Variants in RECK observed in about 807,000 individuals in gnomAD.
The protein encoded by RECK is reversion inducing cysteine rich protein with kazal motifs, also known as reversion-inducing cysteine-rich protein with Kazal motifs.
In RECK, 69 loss-of-function variants were observed where a neutral mutation model predicts 115.1. The ratio of observed to expected loss-of-function variants is 0.60; its 90% CI spans 0.49 to 0.73. RECK has a LOEUF of 0.73. Among genes scored for constraint, RECK ranks in the 30% least tolerant of loss-of-function variants. RECK has a pLI of 0.00. For missense variants in RECK, 1,047 were observed against 1,203.7 expected, an observed-to-expected ratio of 0.87 and a Z score of 1.93; for synonymous variants, 414 against 419.7, an observed-to-expected ratio of 0.99 and a Z score of 0.17.
chr9:36,058,026 GA>G (rs1487291591), intron 2 of RECK, among the ~76,000 whole-genome samples: 1 of 150,116 alleles, frequency 6.7e-6, no homozygotes, highest in Non-Finnish European at 1.5e-5. Context: ...AGGATGTGGA[GA>G]AATAGGAACA....
chr9:36,037,050 G>T lies in RECK; in HGVS notation c.52G>T (p.Val18Leu). 1 of 1,399,662 alleles carries T rather than the reference G, an allele frequency of 7.1e-7. No homozygotes were observed. The allele number at this position is 1,399,662 out of a possible 1,614,324, so 86.7% of individuals were successfully genotyped here. A position where few individuals can be genotyped will look rare whatever the true frequency, so the allele number is the denominator to read the frequency against. ...LRGALLLLLA[V>L]AGVAEVAGGL... The stretch of plus-strand genomic sequence containing the variant: ...AGGTGCGCTGCTCCTTCTGCTGGCC[G>T]TGGCGGGGGTCGCGGAGGTGGCAGG... The change falls in exon 1 of 21, where the codon GTG becomes TTG. Residue 18 changes from valine to leucine, a missense_variant. Val to Leu is a conservative substitution (Grantham distance 32). Transcript: ENST00000377966.
At chr9:36,060,289 T>A (rs1190670110) in intron 4 of RECK, 134 bp downstream of exon 4, 2 of 758,636 alleles carry the variant, frequency 2.6e-6, no homozygotes, top group Non-Finnish European at 4.1e-6. Context: ...AACACCTAAA[T>A]TTTTTTTTTC....
At chr9:36,099,633 A>AT (rs944789834) in intron 10 of RECK, among the ~76,000 whole-genome samples, 5 of 151,630 alleles carry the variant, frequency 3.3e-5, no homozygotes, top group African/African-American at 9.7e-5. Context: ...GCGTGCCACA[A>AT]TTTTTTTGTT....
chr9:36,082,614 C>T (rs970406124), intron 7 of RECK, among the ~76,000 whole-genome samples: 1 of 152,096 alleles, frequency 6.6e-6, no homozygotes, highest in African/African-American at 2.4e-5. Context: ...CCCAAAATAC[C>T]TTAAATGACA....
chr9:36,040,530 A>G (rs1028753715), intron 1 of RECK, among the ~76,000 whole-genome samples: 2 of 152,176 alleles, frequency 1.3e-5, no homozygotes, highest in African/African-American at 4.8e-5. Context: ...AGGATTATGG[A>G]TTTTATTCTG....
chr9:36,097,046 A>G (rs1823375178), intron 10 of RECK, among the ~76,000 whole-genome samples: 1 of 152,168 alleles, frequency 6.6e-6, no homozygotes, highest in African/African-American at 2.4e-5. Context: ...AAAAAAGGCC[A>G]GGTGTGGTGG....
chr9:36,078,584 C>T lies in RECK; in HGVS notation c.406-2021C>T, dbSNP rs187907809. On this transcript the variant is annotated intron_variant, in intron 6 of 20. Transcript: ENST00000377966. The stretch of plus-strand genomic sequence containing the variant: ...TGTGATAACCAAAAATGTCTCCAGG[C>T]GCTGCCAAATGTACCATGGGAAGCA... 2.0e-4 allele frequency among the ~76,000 whole-genome samples: 31 copies of T among 152,216 alleles called. 1 individual carries two copies. The highest frequency in any genetic ancestry group is 6.5e-4 in the Admixed American group (10 of 15,294).
chr9:36,060,844 C>G (rs1192844125), intron 4 of RECK, among the ~76,000 whole-genome samples: 1 of 152,124 alleles, frequency 6.6e-6, no homozygotes, highest in Non-Finnish European at 1.5e-5. Flanking sequence ...ACATCTCTAC[C>G]TGGATCTCTG....
chr9:36,103,438 T>C (rs1181217646), intron 12 of RECK, among the ~76,000 whole-genome samples: 1 of 152,212 alleles, frequency 6.6e-6, no homozygotes, highest in Non-Finnish European at 1.5e-5. Flanking sequence ...AACATGGCTA[T>C]TGGAGTTCTA....
intron 1 of RECK, among the ~76,000 whole-genome samples, chr9:36,038,929 A>G (rs891912205): frequency 6.6e-6 from 1 of 152,248 alleles, no homozygotes; most frequent in Non-Finnish European, 1.5e-5. Context: ...TGATGGCTAC[A>G]CAACTCTGTG....
At position 36,065,566 on chromosome 9, in the gene RECK, T is replaced by C; in HGVS notation, c.358-11T>C. On this transcript the variant is annotated splice_polypyrimidine_tract_variant and intron_variant, in intron 5 of 20. Transcript: ENST00000377966. ...TATAATAAATTAATGGAGAAATTTG[T>C]TGGTTTTTAGGCATCTTCAAAGAAT... 6.3e-7 allele frequency: 1 copy of C among 1,577,362 alleles called. No homozygotes were observed.
At chr9:36,076,097 C>T (rs923316621) in intron 6 of RECK, among the ~76,000 whole-genome samples, 17 of 152,076 alleles carry the variant, frequency 1.1e-4, no homozygotes, top group Non-Finnish European at 7.4e-5. Flanking sequence ...GCCAGATATA[C>T]GTAGCAAGCA....
intron 6 of RECK, among the ~76,000 whole-genome samples, chr9:36,069,436 G>T (rs937325841): frequency 6.8e-6 from 1 of 146,366 alleles, no homozygotes. Flanking sequence ...AGCTACTCGG[G>T]AGGCTGAAGT....
chr9:36,079,144 C>T (rs1048493532), intron 6 of RECK, among the ~76,000 whole-genome samples: 8 of 152,174 alleles, frequency 5.3e-5, no homozygotes, highest in African/African-American at 1.9e-4. Context: ...ATCCTCCCAC[C>T]TCGGCCTCCC....
At chr9:36,044,777 G>T in intron 1 of RECK, among the ~76,000 whole-genome samples, 1 of 152,172 alleles carries the variant, frequency 6.6e-6, no homozygotes, top group East Asian at 1.9e-4. Context: ...CAGGAAGTGG[G>T]CATCAAGCAT....
intron 6 of RECK, 61 bp downstream of exon 6, chr9:36,065,685 T>C (rs1821967586): frequency 1.6e-6 from 2 of 1,261,378 alleles, no homozygotes; most frequent in Non-Finnish European, 2.1e-6. Flanking sequence ...ATTAACAAAA[T>C]TACTTAAATT....
At chr9:36,071,065 ACAGT>A (rs60577707) in intron 6 of RECK, among the ~76,000 whole-genome samples, 2,062 of 152,332 alleles carry the variant, frequency 0.014, 43 homozygotes, top group African/African-American at 0.048. Context: ...ATAGGCACCA[ACAGT>A]CAGAACAGAT....
intron 10 of RECK, among the ~76,000 whole-genome samples, chr9:36,098,936 A>G (rs1311473886): frequency 6.6e-6 from 1 of 152,074 alleles, no homozygotes; most frequent in African/African-American, 2.4e-5. Flanking sequence ...GGTGATGAAA[A>G]TGTTCTAGCC....
chr9:36,119,858 C>T (rs1824392282), intron 18 of RECK, among the ~76,000 whole-genome samples: 1 of 152,074 alleles, frequency 6.6e-6, no homozygotes. Flanking sequence ...AAATCTCTGT[C>T]GTGTGAAAAT....
Sources: allele counts gnomAD v4.1 joint callset (sites outside exome capture counted in the v4.1 genomes callset), GRCh38; gene constraint gnomAD v4.1.1; transcripts MANE v1.5; gene names NCBI Gene and HGNC (gene_info 2026-07-23, HGNC 2026-07-21).